Variants in CRADD observed in about 807,000 individuals in gnomAD.
The protein encoded by CRADD is CARD and death domain containing adaptor protein.
In CRADD, 9 loss-of-function variants were observed where a neutral mutation model predicts 15.5. That is an observed-to-expected ratio of 0.58 (90% CI 0.35 to 1.01). CRADD has a LOEUF of 1.01. Ranked by LOEUF, CRADD falls within the 50% of genes least tolerant of loss-of-function variation. The probability of loss-of-function intolerance (pLI) is 0.02; values close to 1 mark genes in which losing one functional copy is unlikely to be tolerated. For missense variants in CRADD, 227 were observed against 250.3 expected, an observed-to-expected ratio of 0.91 and a Z score of 0.63; for synonymous variants, 118 against 107.6, an observed-to-expected ratio of 1.10 and a Z score of -0.60.
chr12:93,858,701 ACTC>A (rs1958294965), intron 2 of CRADD, among the ~76,000 whole-genome samples: 1 of 151,942 alleles, frequency 6.6e-6, no homozygotes, highest in South Asian at 2.1e-4. Context: ...AGAAACTAGA[ACTC>A]CTTTTCCCCA....
intron 2 of CRADD, among the ~76,000 whole-genome samples, chr12:93,729,697 A>C (rs1180230744): frequency 1.3e-5 from 2 of 151,004 alleles, no homozygotes; most frequent in Non-Finnish European, 2.9e-5. Flanking sequence ...AGGCAGGAGA[A>C]TTGCTTGAAC....
intron 2 of CRADD, among the ~76,000 whole-genome samples, chr12:93,769,920 A>G (rs532356758): frequency 6.6e-6 from 1 of 152,234 alleles, no homozygotes; most frequent in East Asian, 1.9e-4. Flanking sequence ...TGTGTCAGCA[A>G]TGTCTTCTTC....
At chr12:93,733,837 A>G (rs1241180440) in intron 2 of CRADD, among the ~76,000 whole-genome samples, 2 of 151,404 alleles carry the variant, frequency 1.3e-5, no homozygotes, top group African/African-American at 2.4e-5. Flanking sequence ...CCTAGGCTCA[A>G]TCGATCCTAC....
chr12:93,888,060 A>G (rs898715515), intron 2 of CRADD, among the ~76,000 whole-genome samples: 1 of 152,176 alleles, frequency 6.6e-6, no homozygotes, highest in African/African-American at 2.4e-5. Flanking sequence ...AACATGCACA[A>G]AGGAATAGGG....
chr12:93,748,200 C>T lies in CRADD; in HGVS notation c.298+69128C>T, dbSNP rs537195403. Among the ~76,000 whole-genome samples, 57 of 152,320 alleles carry T rather than the reference C, an allele frequency of 3.7e-4. 1 individual carries two copies. The highest frequency in any genetic ancestry group is 2.5e-3 in the Admixed American group (38 of 15,308). On this transcript the variant is annotated intron_variant, in intron 2 of 2. Transcript: ENST00000332896. ...TTCATCATTGTTTGTTGTCCCCTCT[C>T]GCACCTTCCAGAAATCCTTTCCTTG... is the stretch of plus-strand genomic sequence containing the variant.
chr12:93,695,833 T>C (rs1414473367), intron 2 of CRADD, among the ~76,000 whole-genome samples: 1 of 152,150 alleles, frequency 6.6e-6, no homozygotes, highest in Non-Finnish European at 1.5e-5. Flanking sequence ...GAGGCGGAAG[T>C]TGCAGTGAGC....
chr12:93,813,849 G>T (rs763463800), intron 2 of CRADD, among the ~76,000 whole-genome samples: 13 of 152,010 alleles, frequency 8.6e-5, no homozygotes, highest in Non-Finnish European at 1.8e-4. Flanking sequence ...AAAGAGGAGA[G>T]AAAGAAAGAA....
intron 2 of CRADD, among the ~76,000 whole-genome samples, chr12:93,773,155 A>G (rs991795732): frequency 1.3e-5 from 2 of 152,218 alleles, no homozygotes; most frequent in African/African-American, 4.8e-5. Context: ...TATATGCAAT[A>G]TGTCTTACGT....
chr12:93,891,766 T>A (rs1958577379), intron 2 of CRADD, among the ~76,000 whole-genome samples: 1 of 152,206 alleles, frequency 6.6e-6, no homozygotes. Context: ...ATAGCTGAGC[T>A]GAGACTTGAA....
intron 2 of CRADD, among the ~76,000 whole-genome samples, chr12:93,699,795 G>T (rs1224699633): frequency 1.3e-5 from 2 of 152,210 alleles, no homozygotes; most frequent in Admixed American, 1.3e-4. Flanking sequence ...CTCGTAGAGT[G>T]CTGTGGGCTC....
rs1226771008 is a variant in CRADD, at chr12:93,824,787, T to C, written c.299-25183T>C. ...TCTCCTGCCCAGGGGGAATGGCCCT[T>C]CTGTCCATGGAATGTGATAGCCCAG... On this transcript the variant is annotated intron_variant, in intron 2 of 2. Coordinates refer to ENST00000332896, the MANE Select transcript of CRADD (RefSeq NM_003805.5). The surrounding 1 kb of genome is among the most constrained non-coding windows in gnomAD (Gnocchi z 4.3). Among the ~76,000 whole-genome samples, 2 of 152,174 alleles carry C rather than the reference T, an allele frequency of 1.3e-5. No homozygotes were observed. The highest frequency in any genetic ancestry group is 4.8e-5 in the African/African-American group (2 of 41,444).
chr12:93,803,164 A>C (rs1957493664), intron 2 of CRADD, among the ~76,000 whole-genome samples: 1 of 152,202 alleles, frequency 6.6e-6, no homozygotes, highest in South Asian at 2.1e-4. Flanking sequence ...TCTGATATAC[A>C]GCCAAAATAC....
chr12:93,777,124 G>A (rs1320700822), intron 2 of CRADD, among the ~76,000 whole-genome samples: 1 of 152,166 alleles, frequency 6.6e-6, no homozygotes, highest in African/African-American at 2.4e-5. Flanking sequence ...TCATTCTCAC[G>A]GGCCTGTGGG....
At chr12:93,765,531 C>T (rs750705306) in intron 2 of CRADD, among the ~76,000 whole-genome samples, 4 of 152,044 alleles carry the variant, frequency 2.6e-5, no homozygotes, top group Admixed American at 6.6e-5. Context: ...CAATGGTATC[C>T]ACAATGCAGC....
At chr12:93,720,353 C>T (rs191752752) in intron 2 of CRADD, among the ~76,000 whole-genome samples, 7 of 152,124 alleles carry the variant, frequency 4.6e-5, no homozygotes, top group African/African-American at 1.4e-4. Flanking sequence ...AAAATGTGGT[C>T]TATCATGGTG....
intron 2 of CRADD, among the ~76,000 whole-genome samples, chr12:93,864,290 G>A (rs1448715580): frequency 6.6e-6 from 1 of 152,112 alleles, no homozygotes; most frequent in Non-Finnish European, 1.5e-5. Context: ...CTGGCCTTAA[G>A]GGATCCTCCA....
chr12:93,818,426 C>G (rs890459355), intron 2 of CRADD, among the ~76,000 whole-genome samples: 19 of 152,214 alleles, frequency 1.2e-4, no homozygotes, highest in African/African-American at 4.3e-4. Flanking sequence ...TCTGTAAGTT[C>G]AGTTGCCTGA....
At chr12:93,831,434 A>G (rs1259199733) in intron 2 of CRADD, 1 of 152,250 alleles carries the variant, frequency 6.6e-6, no homozygotes, top group African/African-American at 2.4e-5. Context: ...AGAAAATTAA[A>G]AACATATCAA....
intron 2 of CRADD, chr12:93,714,682 A>G (rs1047935813): frequency 6.6e-6 from 1 of 152,190 alleles, no homozygotes; most frequent in Non-Finnish European, 1.5e-5. Flanking sequence ...CGTAGTAGCA[A>G]GGCAGTCACA....
Sources: allele counts gnomAD v4.1 joint callset (sites outside exome capture counted in the v4.1 genomes callset), GRCh38; gene constraint gnomAD v4.1.1; non-coding constraint Gnocchi (gnomAD v3.1); transcripts MANE v1.5; gene names NCBI Gene and HGNC (gene_info 2026-07-23, HGNC 2026-07-21).